Variants in PTGS1 observed in about 807,000 individuals in gnomAD.
PTGS1 encodes prostaglandin-endoperoxide synthase 1, also known as prostaglandin G/H synthase 1.
A neutral mutation model predicts 63.0 loss-of-function variants in PTGS1; 40 were observed. The ratio of observed to expected loss-of-function variants is 0.63; its 90% CI spans 0.49 to 0.83. The LOEUF (loss-of-function observed/expected upper bound fraction) is 0.83, where lower values mean the gene tolerates loss of function less well. Ranked by LOEUF, PTGS1 falls within the 40% of genes least tolerant of loss-of-function variation. PTGS1 has a pLI of 0.00. For synonymous variants in PTGS1, 298 were observed against 301.9 expected (o/e 0.99, Z 0.13); for missense variants, 709 against 786.5 (o/e 0.90, Z 1.18).
intron 9 of PTGS1, among the ~76,000 whole-genome samples, chr9:122,389,071 G>A (rs1168574693): frequency 6.7e-6 from 1 of 149,902 alleles, no homozygotes; most frequent in Non-Finnish European, 1.5e-5. Flanking sequence ...CCCAATTATA[G>A]TTGTTGATCA....
At chr9:122,391,889 C>T (rs938300819) in intron 10 of PTGS1, among the ~76,000 whole-genome samples, 7 of 152,016 alleles carry the variant, frequency 4.6e-5, no homozygotes, top group African/African-American at 1.7e-4. Context: ...TAATTAGGGC[C>T]CAGAGTTGCT....
intron 2 of PTGS1, chr9:122,371,587 C>T: frequency 7.0e-7 from 1 of 1,430,440 alleles, no homozygotes; most frequent in Admixed American, 2.9e-5. Flanking sequence ...AGCCTCTGCA[C>T]CCAACAACCC....
rs200329906 is a variant in PTGS1 at position 122,394,615 on chromosome 9, A to T, written c.*2071A>T. ...TTGAGAATCCTCTCCTTTCTTATTA[A>T]TTTCAGTCTTGGTGGTTCTATCAGG... On this transcript the variant is annotated 3_prime_UTR_variant, in exon 11 of 11. Transcript: ENST00000362012. The T allele has an allele frequency of 6.6e-6, 1 of 151,562 alleles. No homozygotes were observed. The highest frequency in any genetic ancestry group is 6.6e-5 in the Admixed American group (1 of 15,204). 9.4% of individuals were successfully genotyped at this position (151,562 alleles called of 1,614,324 possible). A position where few individuals can be genotyped will look rare whatever the true frequency, so the allele number is the denominator to read the frequency against.
In PTGS1 at chr9:122,375,714, G is replaced by A. The variant is rs561259673; in HGVS notation, c.95-2185G>A. 4.6e-5 allele frequency among the ~76,000 whole-genome samples: 7 copies of A among 152,278 alleles called. No homozygotes were observed. The East Asian group carries it at 1.2e-3, about 25-fold the overall frequency. On this transcript the variant is annotated intron_variant, in intron 2 of 10. Coordinates refer to ENST00000362012, the MANE Select transcript of PTGS1 (RefSeq NM_000962.4). ...AAGACTTCTTGGGGAGGCAAGGCGTGGGCTCAGCTGATTTGGAGGAAATGT... is the reference window on the plus strand; with the variant it reads ...AAGACTTCTTGGGGAGGCAAGGCGTAGGCTCAGCTGATTTGGAGGAAATGT...
chr9:122,379,064 G>A (rs1837360954), intron 5 of PTGS1, 146 bp downstream of exon 5: 1 of 1,170,782 alleles, frequency 8.5e-7, no homozygotes, highest in Non-Finnish European at 1.2e-6. Context: ...CAGAGCCTGG[G>A]CTGAGAACAG....
At chr9:122,371,910 C>A (rs2119106009) in intron 2 of PTGS1, 1 of 1,108,406 alleles carries the variant, frequency 9.0e-7, no homozygotes, top group East Asian at 2.6e-5. Context: ...TCTGCGTCCA[C>A]ACACTTCGCA....
intron 10 of PTGS1, 127 bp downstream of exon 10, chr9:122,390,472 G>C: frequency 8.9e-7 from 1 of 1,129,396 alleles, no homozygotes; most frequent in African/African-American, 1.6e-5. Context: ...TATAATGGGC[G>C]TGGAAGTGCT....
chr9:122,386,494 G>C lies in PTGS1; in HGVS notation c.1058G>C (p.Gly353Ala). 6.2e-7 allele frequency: 1 copy of C among 1,614,186 alleles called. No homozygotes were observed. Among genetic ancestry groups the C allele is most frequent in the South Asian group, 1.1e-5 (1 of 91,084 alleles). ...GAGGAGTACGTGCAGCAGCTGAGTG[G>C]CTATTTCCTGCAGCTGAAATTTGAC... ...VIEEYVQQLS[G>A]YFLQLKFDPE... Residue 353 changes from glycine (G) to alanine (A), a missense_variant, in exon 9 of 11, where the codon GGC (glycine) becomes GCC (alanine). Physicochemically the swap from Gly to Ala is moderately conservative, Grantham distance 60. Coordinates refer to ENST00000362012, the MANE Select transcript of PTGS1 (RefSeq NM_000962.4).
Position 122,381,687 on chromosome 9 carries a change from A to G in PTGS1, c.702A>G (p.Gly234=), listed in dbSNP as rs761229837. 1 of 1,614,040 alleles carries G rather than the reference A, an allele frequency of 6.2e-7. No homozygotes were observed. The highest frequency in any genetic ancestry group is 8.5e-7 in the Non-Finnish European group (1 of 1,180,038). ...GHGVDLGHIY[G]DNLERQYQLR... Reference sequence around the variant, plus strand: ...AGGTAGACCTCGGCCACATTTATGGAGACAATCTGGAGCGTCAGTATCAAC... The same window carrying G: ...AGGTAGACCTCGGCCACATTTATGGGGACAATCTGGAGCGTCAGTATCAAC... The change falls in exon 7 of 11, where the codon GGA becomes GGG. Residue 234 remains glycine (G), a synonymous_variant. Transcript: ENST00000362012.
chr9:122,372,118 T>G (rs116781449), intron 2 of PTGS1, among the ~76,000 whole-genome samples: 7,124 of 152,174 alleles, frequency 0.047, 553 homozygotes, highest in African/African-American at 0.16. Context: ...TGTGTGAGCA[T>G]GTGTCCCAGT....
intron 7 of PTGS1, 105 bp downstream of exon 7, chr9:122,381,852 C>T: frequency 1.7e-6 from 2 of 1,207,212 alleles, no homozygotes; most frequent in Admixed American, 2.0e-5. Flanking sequence ...AGAGGGCCAA[C>T]CACGGGAGTG....
At chr9:122,376,501 TA>T (rs1023815926) in intron 2 of PTGS1, among the ~76,000 whole-genome samples, 5 of 151,992 alleles carry the variant, frequency 3.3e-5, no homozygotes, top group Admixed American at 6.5e-5. Context: ...GGGCAGGGGA[TA>T]GGGGGCAGGT....
chr9:122,390,978 C>T (rs1261775649), intron 10 of PTGS1, among the ~76,000 whole-genome samples: 2 of 151,860 alleles, frequency 1.3e-5, no homozygotes, highest in Non-Finnish European at 2.9e-5. Context: ...GGGCAAGGAG[C>T]TTATGTTGTG....
intron 9 of PTGS1, among the ~76,000 whole-genome samples, chr9:122,387,735 A>G (rs1398646002): frequency 1.3e-5 from 2 of 152,216 alleles, no homozygotes; most frequent in African/African-American, 4.8e-5. Context: ...TCTGTGGTAC[A>G]TTGTCATGGC....
At chr9:122,378,745 C>T in intron 4 of PTGS1, 30 bp from the exon 5 acceptor site, 1 of 1,613,152 alleles carries the variant, frequency 6.2e-7, no homozygotes, top group Non-Finnish European at 8.5e-7. Context: ...GTGGAAACAC[C>T]CTTGTCACCG....
chr9:122,387,492 G>A (rs1164888310), intron 9 of PTGS1, among the ~76,000 whole-genome samples: 1 of 152,152 alleles, frequency 6.6e-6, no homozygotes, highest in East Asian at 1.9e-4. Flanking sequence ...TCTTTAAAGA[G>A]GTAATTAAGT....
chr9:122,371,247 C>T lies in PTGS1; in HGVS notation c.69C>T (p.Leu23=). The change falls in exon 2 of 11, where the codon CTC becomes CTT. Residue 23 remains leucine (L), a synonymous_variant. Transcript: ENST00000362012. ...TGCTCCCGCCGCTCCCCGTCCTGCT[C>T]GCGGACCCAGGGGCGCCCACGCCAG... is the stretch of plus-strand genomic sequence containing the variant. The part of the protein sequence containing the change: ...LLLLPPLPVL[L]ADPGAPTPVN... The T allele has an allele frequency of 3.1e-6, 5 of 1,606,918 alleles. No homozygotes were observed. Among genetic ancestry groups the T allele is most frequent in the Middle Eastern group, 1.7e-4 (1 of 6,056 alleles).
At chr9:122,372,581 G>T (rs943422654) in intron 2 of PTGS1, 2 of 152,310 alleles carry the variant, frequency 1.3e-5, no homozygotes, top group African/African-American at 4.8e-5. Context: ...CAGTGAGCTG[G>T]TGGTGGGGAG....
intron 8 of PTGS1, 70 bp downstream of exon 8, chr9:122,383,825 G>T (rs1315780635): frequency 1.5e-5 from 23 of 1,560,456 alleles, no homozygotes; most frequent in Non-Finnish European, 1.7e-5. Flanking sequence ...GGGCGGGGGG[G>T]TACTTAGAGG....
Sources: gnomAD v4.1 joint callset for allele counts (sites outside exome capture counted in the v4.1 genomes callset) on GRCh38, gnomAD v4.1.1 for gene constraint, MANE v1.5 for transcripts, NCBI Gene and HGNC (gene_info 2026-07-23, HGNC 2026-07-21) for gene names.